The following WBP2 variants were observed in gnomAD, a reference collection of about 807,000 sequenced individuals.
WBP2 encodes the protein WW domain-binding protein 2.
WBP2 carries 23 observed loss-of-function variants against 33.0 expected under a neutral mutation model. The observed-to-expected ratio is 0.70, with a 90% confidence interval of 0.50 to 0.99. The LOEUF is 0.99. Among genes scored for constraint, WBP2 ranks in the 50% least tolerant of loss-of-function variants. The probability of loss-of-function intolerance (pLI) is 0.00; values close to 1 mark genes in which losing one functional copy is unlikely to be tolerated. For missense variants in WBP2, 353 were observed against 358.0 expected, an observed-to-expected ratio of 0.99 and a Z score of 0.11; for synonymous variants, 153 against 133.5, an observed-to-expected ratio of 1.15 and a Z score of -1.01.
At position 75,846,637 on chromosome 17, in the gene WBP2, GAAC is replaced by G. The variant is rs1164393713; in HGVS notation, c.*94_*96del. ...TTGTTTATGATCAGACCTGGAGGGA[GAAC>G]AAGGCGCCCCCTCCCCTCCCCAAGC... On this transcript the variant is annotated 3_prime_UTR_variant, in exon 8 of 8. Coordinates refer to ENST00000254806, the MANE Select transcript of WBP2 (RefSeq NM_012478.4). This position sits in a 1 kb window ranked among gnomAD's most constrained non-coding sequence, Gnocchi z 4.8. 2.2e-6 allele frequency: 3 copies of G among 1,375,448 alleles called. No individual in the cohort carries two copies. The African/African-American group carries it at 4.4e-5, about 20-fold the overall frequency. 85.2% of individuals were successfully genotyped at this position (1,375,448 alleles called of 1,614,324 possible).
At position 75,847,808 on chromosome 17, in the gene WBP2, G is replaced by A; in HGVS notation, c.520C>T (p.Pro174Ser). Reference sequence around the variant, plus strand: ...AGGACACACTCACCAGGTGGGGGCGGTGGATAGGGGTAGCCAGGAGGGCAG... The same window carrying A: ...AGGACACACTCACCAGGTGGGGGCGATGGATAGGGGTAGCCAGGAGGGCAG... ...YPCPPGYPYP[P>S]PPPEFYPGPP... Residue 174 changes from proline (P) to serine (S), a missense_variant, in exon 5 of 8, where the codon CCG becomes TCG. Pro to Ser is a moderately conservative substitution (Grantham distance 74). Transcript: ENST00000254806. 1 of 1,557,202 alleles carries A rather than the reference G, an allele frequency of 6.4e-7. No homozygotes were observed.
chr17:75,851,460 A>T (rs974511282), intron 2 of WBP2, 108 bp downstream of exon 2: 1 of 790,236 alleles, frequency 1.3e-6, no homozygotes, highest in Non-Finnish European at 2.2e-6. Context: ...ACTCACCAGG[A>T]TTCAGAGGCC....
chr17:75,856,035 G>C (rs936395), upstream of WBP2, among the ~76,000 whole-genome samples: 16,358 of 152,228 alleles, frequency 0.11, 983 homozygotes, highest in African/African-American at 0.14. Flanking sequence ...GGCGCCCCTC[G>C]CAGCCCCCTC....
chr17:75,851,361 C>G (rs1313779801), intron 2 of WBP2: 4 of 481,750 alleles, frequency 8.3e-6, no homozygotes, highest in African/African-American at 7.8e-5. Flanking sequence ...GGGTTCACTG[C>G]CCAGTGGTCA....
chr17:75,846,807 G>C lies in WBP2; in HGVS notation c.733-20C>G, dbSNP rs757311622. The C allele has an allele frequency of 6.3e-6, 10 of 1,585,000 alleles. No individual in the cohort carries two copies. The South Asian group carries it at 1.0e-4, about 16-fold the overall frequency. On this transcript the variant is annotated intron_variant, in intron 7 of 7. Coordinates refer to ENST00000254806, the MANE Select transcript of WBP2 (RefSeq NM_012478.4). The surrounding 1 kb of genome is among the most constrained non-coding windows in gnomAD (Gnocchi z 4.8). ...CTGGCTCTAAAGAAGGGAGAAAGGA[G>C]AGACTTGCATTAGAAGGTTTAAAAC... is the stretch of plus-strand genomic sequence containing the variant.
At chr17:75,854,767 G>C (rs1046489787) in intron 1 of WBP2, among the ~76,000 whole-genome samples, 1 of 152,034 alleles carries the variant, frequency 6.6e-6, no homozygotes, top group Non-Finnish European at 1.5e-5. Flanking sequence ...TGCGATCTCG[G>C]GCAAGTTACT....
chr17:75,855,192 C>A, intron 1 of WBP2, 47 bp downstream of exon 1: 2 of 1,454,638 alleles, frequency 1.4e-6, no homozygotes, highest in African/African-American at 1.4e-5. Flanking sequence ...CCCACTTCCT[C>A]GACACCCGAA....
chr17:75,849,462 A>G, intron 3 of WBP2, 142 bp downstream of exon 3: 1 of 1,067,504 alleles, frequency 9.4e-7, no homozygotes, highest in East Asian at 2.5e-5. Flanking sequence ...ATCAAACCCC[A>G]CCAGCTGGCA....
chr17:75,847,460 G>A (rs1479509403), intron 6 of WBP2, 27 bp downstream of exon 6: 10 of 1,582,876 alleles, frequency 6.3e-6, no homozygotes, highest in Non-Finnish European at 8.6e-6. Flanking sequence ...TGGTCCCGAA[G>A]GGCTGCCAGC....
At chr17:75,854,508 C>G (rs78054413) in intron 1 of WBP2, among the ~76,000 whole-genome samples, 3 of 152,108 alleles carry the variant, frequency 2.0e-5, no homozygotes, top group Admixed American at 6.5e-5. Flanking sequence ...CTCTGCCTTC[C>G]GAGGTGACCC....
At chr17:75,848,077 T>C (rs1425885840) in intron 4 of WBP2, 147 bp from the exon 5 acceptor site, 14 of 1,109,942 alleles carry the variant, frequency 1.3e-5, no homozygotes, top group African/African-American at 6.2e-5. Context: ...CCTCCACCCA[T>C]ACTCGGGGGG....
chr17:75,855,043 C>T, intron 1 of WBP2, 196 bp downstream of exon 1: 1 of 335,480 alleles, frequency 3.0e-6, no homozygotes, highest in South Asian at 3.4e-5. Context: ...CCCCGCCTCC[C>T]AGCTGATCAC....
intron 1 of WBP2, 25 bp from the exon 2 acceptor site, chr17:75,851,701 C>A: frequency 6.3e-7 from 1 of 1,578,944 alleles, no homozygotes; most frequent in African/African-American, 1.3e-5. Context: ...GAGGAAAAGC[C>A]TCAATGAGAC....
Position 75,846,587 on chromosome 17 carries a change from G to T in WBP2, c.*147C>A. On this transcript the variant is annotated 3_prime_UTR_variant, in exon 8 of 8. Coordinates refer to ENST00000254806, the MANE Select transcript of WBP2 (RefSeq NM_012478.4). This position sits in a 1 kb window ranked among gnomAD's most constrained non-coding sequence, Gnocchi z 4.8. ...CTCTCCCGAGGCCGGGGGCCCTAAT[G>T]TCCCACAATGCTAGTTCCTGGTAAT... 1.8e-6 allele frequency: 2 copies of T among 1,083,168 alleles called. No individual in the cohort carries two copies. Among genetic ancestry groups the T allele is most frequent in the Non-Finnish European group, 1.4e-6 (1 of 728,726 alleles). The allele number at this position is 1,083,168 out of a possible 1,614,324, so 67.1% of individuals were successfully genotyped here.
Position 75,847,625 on chromosome 17 carries a change from G to GT in WBP2, c.533-17dup. 1 of 1,612,980 alleles carries GT rather than the reference G, an allele frequency of 6.2e-7. No homozygotes were observed. On this transcript the variant is annotated splice_polypyrimidine_tract_variant and intron_variant, in intron 5 of 7. Transcript: ENST00000254806. ...GGATAGAACTCTGCTCGGTGAGAGA[G>GT]TAACAAGGACATGGTGAGCACCCGG...
At chr17:75,852,265 A>T (rs960346180) in intron 1 of WBP2, 5 of 152,124 alleles carry the variant, frequency 3.3e-5, no homozygotes, top group African/African-American at 9.7e-5. Flanking sequence ...CAAAAAAACT[A>T]AAAACCAACA....
rs780385071 is a variant in WBP2 at position 75,848,678 on chromosome 17, C to T, written c.305-16G>A. On this transcript the variant is annotated splice_polypyrimidine_tract_variant and intron_variant, in intron 3 of 7. Transcript: ENST00000254806. ...TCCCAGCCACCTGAAAGGGGAAGGA[C>T]AGTGAATAAACAGCACAGGAAAAGA... 75 of 1,605,580 alleles carry T rather than the reference C, an allele frequency of 4.7e-5. No homozygotes were observed. The South Asian group carries it at 7.4e-4, about 16-fold the overall frequency.
intron 1 of WBP2, among the ~76,000 whole-genome samples, chr17:75,853,330 G>C (rs912108713): frequency 5.3e-5 from 8 of 152,210 alleles, no homozygotes; most frequent in Non-Finnish European, 1.2e-4. Flanking sequence ...ACAGGCGTGA[G>C]CCACCATGCC....
At position 75,846,533 on chromosome 17, in the gene WBP2, C is replaced by A; in HGVS notation, c.*201G>T. The A allele has an allele frequency of 1.5e-6, 1 of 677,818 alleles. No individual in the cohort carries two copies. The allele number at this position is 677,818 out of a possible 1,614,324, so 42.0% of individuals were successfully genotyped here. A position where few individuals can be genotyped will look rare whatever the true frequency, so the allele number is the denominator to read the frequency against. On this transcript the variant is annotated 3_prime_UTR_variant, in exon 8 of 8. Transcript: ENST00000254806. The surrounding 1 kb of genome is among the most constrained non-coding windows in gnomAD (Gnocchi z 4.8). ...GGTACGCTGGGCAGCACTGTGGGCT[C>A]CGGGCTGGCATGGGAAGCTGGGCGG...
Sources: allele counts gnomAD v4.1 joint callset (sites outside exome capture counted in the v4.1 genomes callset), GRCh38; gene constraint gnomAD v4.1.1; non-coding constraint Gnocchi (gnomAD v3.1); transcripts MANE v1.5; gene names NCBI Gene and HGNC (gene_info 2026-07-23, HGNC 2026-07-21).